Variants in PDGFC observed in about 807,000 individuals in gnomAD.
The protein encoded by PDGFC is platelet derived growth factor C.
A neutral mutation model predicts 35.5 loss-of-function variants in PDGFC; 12 were observed. The observed-to-expected ratio is 0.34, with a 90% CI of 0.22 to 0.55. The LOEUF is 0.55. Among genes scored for constraint, PDGFC ranks in the 20% least tolerant of loss-of-function variants. The probability of loss-of-function intolerance (pLI) is 0.91; values close to 1 mark genes in which losing one functional copy is unlikely to be tolerated. For missense variants in PDGFC, 322 were observed against 412.4 expected (o/e 0.78, Z 1.90); for synonymous variants, 159 against 148.8 (o/e 1.07, Z -0.50).
intron 5 of PDGFC, among the ~76,000 whole-genome samples, chr4:156,766,454 A>G (rs1244751585): frequency 1.3e-5 from 2 of 152,064 alleles, no homozygotes; most frequent in African/African-American, 4.8e-5. Context: ...AGTTTTCTTC[A>G]ATTATTATAT....
At chr4:156,896,698 A>G (rs1431849875) in intron 1 of PDGFC, among the ~76,000 whole-genome samples, 1 of 152,242 alleles carries the variant, frequency 6.6e-6, no homozygotes, top group African/African-American at 2.4e-5. Flanking sequence ...AACTGTGCAG[A>G]TACCACTGTG....
chr4:156,906,939 T>TCC (rs1232236573), intron 1 of PDGFC, among the ~76,000 whole-genome samples: 6 of 152,230 alleles, frequency 3.9e-5, no homozygotes, highest in Admixed American at 2.6e-4. Context: ...CTTGCATGGA[T>TCC]ACACTGATGA....
chr4:156,948,963 C>T (rs2110931379), intron 1 of PDGFC, among the ~76,000 whole-genome samples: 2 of 151,914 alleles, frequency 1.3e-5, no homozygotes, highest in East Asian at 2.0e-4. Flanking sequence ...ACTGGCTAGC[C>T]AAGGGACCAG....
intron 1 of PDGFC, among the ~76,000 whole-genome samples, chr4:156,894,804 C>A (rs2111203420): frequency 6.6e-6 from 1 of 152,258 alleles, no homozygotes; most frequent in Non-Finnish European, 1.5e-5. Context: ...AAAGGCTCAG[C>A]ACTCATTTTA....
At chr4:156,777,931 C>G (rs1421133665) in intron 3 of PDGFC, among the ~76,000 whole-genome samples, 1 of 151,862 alleles carries the variant, frequency 6.6e-6, no homozygotes, top group Admixed American at 6.6e-5. Flanking sequence ...TAGTGAAACC[C>G]CATCTCTACT....
At chr4:156,827,332 G>A (rs980214224) in intron 2 of PDGFC, among the ~76,000 whole-genome samples, 3 of 151,698 alleles carry the variant, frequency 2.0e-5, no homozygotes, top group Non-Finnish European at 4.4e-5. Flanking sequence ...CAGGAGAATC[G>A]CTTGAATGTG....
At chr4:156,799,168 T>C (rs1486748446) in intron 3 of PDGFC, among the ~76,000 whole-genome samples, 1 of 152,228 alleles carries the variant, frequency 6.6e-6, no homozygotes, top group African/African-American at 2.4e-5. Context: ...CCTTGATCTC[T>C]TGCCTGAATA....
intron 1 of PDGFC, among the ~76,000 whole-genome samples, chr4:156,933,756 T>G (rs1337429104): frequency 6.6e-6 from 1 of 152,146 alleles, no homozygotes; most frequent in African/African-American, 2.4e-5. Flanking sequence ...GTTGTTCTTG[T>G]GATAGAGAAT....
At chr4:156,785,844 G>T (rs901024044) in intron 3 of PDGFC, among the ~76,000 whole-genome samples, 1 of 152,084 alleles carries the variant, frequency 6.6e-6, no homozygotes, top group Non-Finnish European at 1.5e-5. Flanking sequence ...TAAAGTTCTA[G>T]GTCAGTTGAT....
At chr4:156,957,642 G>C (rs540538814) in intron 1 of PDGFC, among the ~76,000 whole-genome samples, 1 of 151,766 alleles carries the variant, frequency 6.6e-6, no homozygotes, top group Non-Finnish European at 1.5e-5. Flanking sequence ...TTTCTGTCTT[G>C]TATGTGCCAT....
At chr4:156,889,035 C>T (rs1730441857) in intron 1 of PDGFC, among the ~76,000 whole-genome samples, 1 of 152,150 alleles carries the variant, frequency 6.6e-6, no homozygotes, top group African/African-American at 2.4e-5. Flanking sequence ...ACAAACACGT[C>T]GTGTGTCTAC....
At chr4:156,771,213 G>A (rs938163243) in intron 4 of PDGFC, among the ~76,000 whole-genome samples, 1 of 152,148 alleles carries the variant, frequency 6.6e-6, no homozygotes, top group Non-Finnish European at 1.5e-5. Context: ...AGCACCAGGC[G>A]TACATTTTCA....
chr4:156,908,325 T>C (rs1730965113), intron 1 of PDGFC, among the ~76,000 whole-genome samples: 1 of 152,162 alleles, frequency 6.6e-6, no homozygotes, highest in African/African-American at 2.4e-5. Flanking sequence ...TTGGTGTCAA[T>C]ATATAATACT....
At chr4:156,866,254 G>T (rs976277524) in intron 1 of PDGFC, among the ~76,000 whole-genome samples, 1 of 152,008 alleles carries the variant, frequency 6.6e-6, no homozygotes, top group Non-Finnish European at 1.5e-5. Flanking sequence ...ATGGTTTCCA[G>T]TTTCATCCAT....
At chr4:156,900,083 T>A (rs922767757) in intron 1 of PDGFC, among the ~76,000 whole-genome samples, 1 of 152,206 alleles carries the variant, frequency 6.6e-6, no homozygotes, top group Non-Finnish European at 1.5e-5. Flanking sequence ...ATCAAAGATA[T>A]GTGAAACTTA....
chr4:156,895,414 C>T (rs1366506422), intron 1 of PDGFC, among the ~76,000 whole-genome samples: 4 of 152,016 alleles, frequency 2.6e-5, no homozygotes, highest in Non-Finnish European at 5.9e-5. Context: ...GTGGGCAAAT[C>T]ACTAGGTCAG....
At chr4:156,965,759 C>G (rs1732450729) in intron 1 of PDGFC, among the ~76,000 whole-genome samples, 1 of 152,148 alleles carries the variant, frequency 6.6e-6, no homozygotes. Context: ...CATACCCCTT[C>G]TTACTCCAGG....
At chr4:156,818,074 A>T (rs919424994) in intron 2 of PDGFC, among the ~76,000 whole-genome samples, 9 of 145,194 alleles carry the variant, frequency 6.2e-5, no homozygotes, top group South Asian at 2.3e-4. Flanking sequence ...AAAAAAAAAA[A>T]TTCTAGGCTA....
intron 3 of PDGFC, among the ~76,000 whole-genome samples, chr4:156,798,878 A>G (rs1731520263): frequency 6.6e-6 from 1 of 152,138 alleles, no homozygotes; most frequent in Non-Finnish European, 1.5e-5. Context: ...ATTCCACTGG[A>G]AAAAAAGGCA....
Sources: gnomAD v4.1 joint callset for allele counts (sites outside exome capture counted in the v4.1 genomes callset) on GRCh38, gnomAD v4.1.1 for gene constraint, MANE v1.5 for transcripts, NCBI Gene and HGNC (gene_info 2026-07-23, HGNC 2026-07-21) for gene names.